DRD2: variants seen among roughly 807,000 people sequenced by gnomAD.
DRD2 encodes D(2) dopamine receptor.
Under a neutral mutation model 38.0 loss-of-function variants are expected in DRD2, and 8 were observed. The ratio of observed to expected loss-of-function variants is 0.21; its 90% confidence interval spans 0.12 to 0.38. DRD2 has a LOEUF of 0.38. DRD2 is among the 10% of genes least tolerant of loss of function. DRD2 has a pLI of 1.00. For synonymous variants in DRD2, 230 were observed against 238.6 expected (o/e 0.96, Z 0.33); for missense variants, 403 against 607.7 (o/e 0.66, Z 3.54).
At chr11:113,462,650 G>A (rs1292111398) in intron 1 of DRD2, among the ~76,000 whole-genome samples, 1 of 152,302 alleles carries the variant, frequency 6.6e-6, no homozygotes, top group East Asian at 1.9e-4. Flanking sequence ...AGTGTTTAAG[G>A]CATGTGGCTG....
At position 113,412,715 on chromosome 11, in the gene DRD2, T is replaced by C. The variant is rs71653614; in HGVS notation, c.979A>G (p.Lys327Glu). 3.1e-3 allele frequency: 5,032 copies of C among 1,614,202 alleles called. 25 individuals are homozygous for C. The highest frequency in any genetic ancestry group is 2.7e-3 in the Non-Finnish European group (3,232 of 1,180,052). The change falls in exon 7 of 8, where the codon AAG becomes GAG. Residue 327 changes from lysine to glutamate, a missense_variant. Coordinates refer to ENST00000362072, the MANE Select transcript of DRD2 (RefSeq NM_000795.4). The part of the protein sequence containing the change: ...STPDSPAKPE[K>E]NGHAKDHPKI... ...GGGTGGTCTTTGGCATGCCCATTCTTCTCTGGTTTGGCGGGGCTGTCGGGA... is the reference window on the plus strand; with the variant it reads ...GGGTGGTCTTTGGCATGCCCATTCTCCTCTGGTTTGGCGGGGCTGTCGGGA...
rs935667034 is a variant in DRD2 at position 113,446,208 on chromosome 11, A to G, written c.-31-21526T>C. ...CAGAAGCCCTGATGACAGATCTGAT[A>G]CAGTCACCCCACCTCCATGGATCCC... On this transcript the variant is annotated intron_variant, in intron 1 of 7. Coordinates refer to ENST00000362072, the MANE Select transcript of DRD2 (RefSeq NM_000795.4). 4.6e-5 allele frequency among the ~76,000 whole-genome samples: 7 copies of G among 152,018 alleles called. No homozygotes were observed. The South Asian group carries it at 1.5e-3, about 32-fold the overall frequency.
At chr11:113,412,491 A>T (rs57666437) in intron 7 of DRD2, 65 bp downstream of exon 7, 2 of 1,577,942 alleles carry the variant, frequency 1.3e-6, no homozygotes, top group African/African-American at 2.7e-5. Context: ...ATGGTTAGGA[A>T]GGACATGGCA....
intron 1 of DRD2, among the ~76,000 whole-genome samples, chr11:113,459,372 G>T (rs1413438959): frequency 1.3e-5 from 2 of 152,174 alleles, no homozygotes; most frequent in East Asian, 1.9e-4. Context: ...AAAAGTGCGG[G>T]TGTTGTTGGT....
intron 4 of DRD2, among the ~76,000 whole-genome samples, 169 bp downstream of exon 4, chr11:113,416,694 G>A (rs756934582): frequency 4.6e-5 from 7 of 152,192 alleles, no homozygotes; most frequent in African/African-American, 1.2e-4. Context: ...AACAACTCTT[G>A]AGTGGGGCTT....
chr11:113,414,456 G>A lies in DRD2; in HGVS notation c.729C>T (p.Asn243=), dbSNP rs1950802181. 1 of 1,614,078 alleles carries A rather than the reference G, an allele frequency of 6.2e-7. No individual in the cohort carries two copies. Among genetic ancestry groups the A allele is most frequent in the Admixed American group, 1.7e-5 (1 of 60,012 alleles). The change falls in exon 6 of 8, where the codon AAC becomes AAT. Residue 243 remains asparagine, a synonymous_variant. Transcript: ENST00000362072. Reference sequence around the variant, plus strand: ...GTTTCATGTCCTCGGGGTGAGTACAGTTGCCCTGTGGAGTGAGCCAGCACA... The same window carrying A: ...GTTTCATGTCCTCGGGGTGAGTACAATTGCCCTGTGGAGTGAGCCAGCACA... The part of the protein sequence containing the change: ...RAHLRAPLKG[N]CTHPEDMKLC...
rs1229513573 is a variant in DRD2, at chr11:113,414,934, A to G, written c.724-473T>C. Among the ~76,000 whole-genome samples, 3 of 152,318 alleles carry G rather than the reference A, an allele frequency of 2.0e-5. No homozygotes were observed. The East Asian group carries it at 5.8e-4, about 29-fold the overall frequency. On this transcript the variant is annotated intron_variant, in intron 5 of 7. Coordinates refer to ENST00000362072, the MANE Select transcript of DRD2 (RefSeq NM_000795.4). ...ACACTGTCTTCCTTGTGAAGGACTG[A>G]GTGAAGGGGAGAATTCACAAGACAT...
chr11:113,415,746 C>T, intron 4 of DRD2, 135 bp from the exon 5 acceptor site: 1 of 978,658 alleles, frequency 1.0e-6, no homozygotes, highest in Non-Finnish European at 1.5e-6. Context: ...ATGTTTAAGG[C>T]TGCCTGGTCA....
chr11:113,418,230 A>G (rs1950846519), intron 2 of DRD2, 94 bp from the exon 3 acceptor site: 1 of 1,021,372 alleles, frequency 9.8e-7, no homozygotes, highest in African/African-American at 1.6e-5. Context: ...GAGGCCACAG[A>G]CTCAGGAGGC....
rs557441038 is a variant in DRD2 at position 113,435,508 on chromosome 11, G to C, written c.-31-10826C>G. Among the ~76,000 whole-genome samples the C allele has an allele frequency of 8.5e-5, 13 of 152,286 alleles. No individual in the cohort carries two copies. The East Asian group carries it at 2.5e-3, about 29-fold the overall frequency. ...GAAGACTGGTGGGTGGGAGGCAGGT[G>C]GAGGTGTGGGGCTGGGGCCCCCTCC... is the stretch of plus-strand genomic sequence containing the variant. On this transcript the variant is annotated intron_variant, in intron 1 of 7. Coordinates refer to ENST00000362072, the MANE Select transcript of DRD2 (RefSeq NM_000795.4).
At chr11:113,474,896 C>A (rs1053280657) in intron 1 of DRD2, among the ~76,000 whole-genome samples, 180 bp downstream of exon 1, 1 of 152,134 alleles carries the variant, frequency 6.6e-6, no homozygotes, top group Non-Finnish European at 1.5e-5. Flanking sequence ...GGGCTCCAGA[C>A]GCCCTCTGCC....
At chr11:113,466,419 C>T (rs1475757910) in intron 1 of DRD2, among the ~76,000 whole-genome samples, 1 of 88,966 alleles carries the variant, frequency 1.1e-5, no homozygotes, top group African/African-American at 2.9e-5. Flanking sequence ...TATGTTTCCT[C>T]AACAGCCCCC....
At chr11:113,430,634 A>G (rs1950976975) in intron 1 of DRD2, among the ~76,000 whole-genome samples, 1 of 152,182 alleles carries the variant, frequency 6.6e-6, no homozygotes, top group Non-Finnish European at 1.5e-5. Flanking sequence ...GGCTGCACAG[A>G]TTGTTGGGCT....
At chr11:113,442,415 G>A (rs981903767) in intron 1 of DRD2, among the ~76,000 whole-genome samples, 15 of 152,152 alleles carry the variant, frequency 9.9e-5, no homozygotes, top group African/African-American at 3.4e-4. Context: ...TCTGAATGAT[G>A]CTCTCAGATC....
At chr11:113,474,490 G>A (rs1951459653) in intron 1 of DRD2, 1 of 152,292 alleles carries the variant, frequency 6.6e-6, no homozygotes, top group Non-Finnish European at 1.5e-5. Flanking sequence ...AGGCGAAGGA[G>A]AACGAAAGTT....
chr11:113,425,404 G>T (rs1950930704), intron 1 of DRD2, among the ~76,000 whole-genome samples: 1 of 152,146 alleles, frequency 6.6e-6, no homozygotes, highest in Non-Finnish European at 1.5e-5. Context: ...GCAGGTGGAG[G>T]GCCTCAAAGA....
chr11:113,427,649 C>T (rs1225382591), intron 1 of DRD2, among the ~76,000 whole-genome samples: 1 of 152,176 alleles, frequency 6.6e-6, no homozygotes, highest in Non-Finnish European at 1.5e-5. Flanking sequence ...AAAACCCCTT[C>T]CCACTTGAAA....
At chr11:113,464,596 A>G (rs1951351234) in intron 1 of DRD2, among the ~76,000 whole-genome samples, 2 of 152,098 alleles carry the variant, frequency 1.3e-5, no homozygotes, top group Non-Finnish European at 2.9e-5. Flanking sequence ...CACCCTTCAC[A>G]TTAGTCACCT....
At position 113,414,814 on chromosome 11, in the gene DRD2, C is replaced by A. The variant is rs2283265; in HGVS notation, c.724-353G>T. ...AGGAAACAGGCTCATAGAAGGTAAG[C>A]AACTTGCCTAAGGTCACTCAGCAAA... On this transcript the variant is annotated intron_variant, in intron 5 of 7. Coordinates refer to ENST00000362072, the MANE Select transcript of DRD2 (RefSeq NM_000795.4). Among the ~76,000 whole-genome samples the A allele has an allele frequency of 0.16, 24,909 of 152,140 alleles. 2,539 individuals are homozygous for A. Among genetic ancestry groups the A allele is most frequent in the East Asian group, 0.42 (2,136 of 5,136 alleles).
Sources: gnomAD v4.1 joint callset for allele counts (sites outside exome capture counted in the v4.1 genomes callset) on GRCh38, gnomAD v4.1.1 for gene constraint, MANE v1.5 for transcripts, NCBI Gene and HGNC (gene_info 2026-07-23, HGNC 2026-07-21) for gene names.